NIPBL: variants seen among roughly 807,000 people sequenced by gnomAD.
The protein encoded by NIPBL is nipped-B-like protein.
A neutral mutation model predicts 321.8 loss-of-function variants in NIPBL; 19 were observed. The ratio of observed to expected loss-of-function variants is 0.06; its 90% CI spans 0.04 to 0.09. NIPBL has a LOEUF of 0.09. NIPBL is among the 10% of genes least tolerant of loss of function. NIPBL has a pLI of 1.00. For missense variants in NIPBL, 2,210 were observed against 3,327.0 expected (o/e 0.66, Z 8.26); for synonymous variants, 1,106 against 1,114.1 (o/e 0.99, Z 0.14).
At position 36,955,491 on chromosome 5, in the gene NIPBL, T is replaced by C; in HGVS notation, c.84T>C (p.Leu28=). The change falls in exon 3 of 47, where the codon CTT becomes CTC. Residue 28 remains leucine (L), a synonymous_variant. Coordinates refer to ENST00000282516, the MANE Select transcript of NIPBL (RefSeq NM_133433.4). The part of the protein sequence containing the change: ...SLTDLLNQLP[L]PSPLPATTTK... ...AAATAGTCCTGAACCAGCTGCCTCT[T>C]CCATCTCCTTTACCTGCTACAACTA... 1 of 1,613,932 alleles carries C rather than the reference T, an allele frequency of 6.2e-7. No homozygotes were observed.
chr5:36,907,327 A>G (rs1332851863), intron 1 of NIPBL, among the ~76,000 whole-genome samples: 4 of 152,196 alleles, frequency 2.6e-5, no homozygotes, highest in Non-Finnish European at 4.4e-5. Context: ...TGAGTCCCAT[A>G]TATTTTTTCT....
chr5:37,039,284 T>A (rs1752062747), intron 34 of NIPBL, among the ~76,000 whole-genome samples: 1 of 150,530 alleles, frequency 6.6e-6, no homozygotes, highest in Non-Finnish European at 1.5e-5. Context: ...CAGTCTTTTT[T>A]AATTTTTTAT....
Position 37,051,759 on chromosome 5 carries a change from A to ATTTTTTTTT in NIPBL, c.6955-17_6955-9dup. 1 of 1,252,308 alleles carries ATTTTTTTTT rather than the reference A, an allele frequency of 8.0e-7. No individual in the cohort carries two copies. The highest frequency in any genetic ancestry group is 1.1e-6 in the Non-Finnish European group (1 of 898,080). 77.6% of individuals were successfully genotyped at this position (1,252,308 alleles called of 1,614,324 possible). On this transcript the variant is annotated intron_variant, in intron 40 of 46. Transcript: ENST00000282516. ...ATTTTTACTACCATGATATCTCGTA[A>ATTTTTTTTT]TTTTTTTTTTTATTTCCAGTGTGTG...
At chr5:36,924,802 A>G (rs767430846) in intron 1 of NIPBL, among the ~76,000 whole-genome samples, 2 of 152,126 alleles carry the variant, frequency 1.3e-5, no homozygotes, top group Non-Finnish European at 2.9e-5. Flanking sequence ...TTCCCTTTTA[A>G]GATTTCCTTG....
chr5:37,046,214 C>T lies in NIPBL; in HGVS notation c.6589+15C>T. On this transcript the variant is annotated intron_variant, in intron 38 of 46. Coordinates refer to ENST00000282516, the MANE Select transcript of NIPBL (RefSeq NM_133433.4). ...CATTGGTCTAGGTAAGTCTAAATTTCTTTATAATTTGTAGCTATTTGAGAG... is the reference window on the plus strand; with the variant it reads ...CATTGGTCTAGGTAAGTCTAAATTTTTTTATAATTTGTAGCTATTTGAGAG... 7.1e-7 allele frequency: 1 copy of T among 1,409,566 alleles called. No homozygotes were observed. The highest frequency in any genetic ancestry group is 1.0e-6 in the Non-Finnish European group (1 of 994,372). 87.3% of individuals were successfully genotyped at this position (1,409,566 alleles called of 1,614,324 possible).
chr5:36,908,950 G>A (rs1342029547), intron 1 of NIPBL, among the ~76,000 whole-genome samples: 2 of 152,162 alleles, frequency 1.3e-5, no homozygotes, highest in African/African-American at 4.8e-5. Context: ...ATTATTTTAT[G>A]TATATCCTTG....
chr5:37,032,105 C>T (rs1409384339), intron 32 of NIPBL, among the ~76,000 whole-genome samples: 1 of 152,120 alleles, frequency 6.6e-6, no homozygotes, highest in Non-Finnish European at 1.5e-5. Flanking sequence ...GAGGGTAGAG[C>T]CCATCATTCT....
At chr5:37,064,076 T>TGTAATA in intron 46 of NIPBL, 98 bp downstream of exon 46, 1 of 1,515,310 alleles carries the variant, frequency 6.6e-7, no homozygotes, top group Non-Finnish European at 8.9e-7. Flanking sequence ...CACCAAGTAA[T>TGTAATA]GTAATACTTA....
chr5:37,000,900 G>C lies in NIPBL; in HGVS notation c.3574+12G>C. On this transcript the variant is annotated intron_variant, in intron 13 of 46. Transcript: ENST00000282516. Reference sequence around the variant, plus strand: ...ACTAACACCTGAAGGTAACACGTTAGTTTATTTAATTTGTCTTTATTCATA... The same window carrying C: ...ACTAACACCTGAAGGTAACACGTTACTTTATTTAATTTGTCTTTATTCATA... 2 of 1,605,628 alleles carry C rather than the reference G, an allele frequency of 1.2e-6. No individual in the cohort carries two copies. Among genetic ancestry groups the C allele is most frequent in the Non-Finnish European group, 1.7e-6 (2 of 1,172,734 alleles).
At chr5:37,002,867 TA>T in intron 15 of NIPBL, 102 bp downstream of exon 15, 1 of 742,200 alleles carries the variant, frequency 1.3e-6, no homozygotes, top group South Asian at 1.8e-5. Flanking sequence ...AAGTAAATAG[TA>T]AAAAGAAAAC....
At chr5:36,893,348 A>C (rs1398048509) in intron 1 of NIPBL, among the ~76,000 whole-genome samples, 3 of 152,236 alleles carry the variant, frequency 2.0e-5, no homozygotes, top group African/African-American at 7.2e-5. Context: ...AAAGCAGTCA[A>C]ACTGATGTAT....
chr5:36,991,831 A>G (rs1005357276), intron 10 of NIPBL, among the ~76,000 whole-genome samples: 2 of 148,306 alleles, frequency 1.3e-5, no homozygotes, highest in Non-Finnish European at 3.0e-5. Flanking sequence ...ACTTGTTTCC[A>G]TTGACCAAAG....
intron 42 of NIPBL, among the ~76,000 whole-genome samples, chr5:37,055,469 T>C (rs1753997498): frequency 6.6e-6 from 1 of 152,088 alleles, no homozygotes; most frequent in African/African-American, 2.4e-5. Context: ...ATTTTTATCT[T>C]GAGCACCTGA....
intron 32 of NIPBL, among the ~76,000 whole-genome samples, chr5:37,035,746 A>G (rs536661903): frequency 6.6e-6 from 1 of 152,170 alleles, no homozygotes; most frequent in South Asian, 2.1e-4. Flanking sequence ...AGATTCCTTC[A>G]ATATCCCCAG....
chr5:36,975,054 T>C (rs1170626595), intron 8 of NIPBL, among the ~76,000 whole-genome samples: 1 of 152,072 alleles, frequency 6.6e-6, no homozygotes. Context: ...CATATAACAT[T>C]GGTTGATTTA....
intron 24 of NIPBL, among the ~76,000 whole-genome samples, chr5:37,017,772 T>C (rs1385162023): frequency 6.6e-6 from 1 of 152,044 alleles, no homozygotes; most frequent in Admixed American, 6.6e-5. Context: ...GCCTCTAATT[T>C]TTTTTTAGCT....
intron 19 of NIPBL, among the ~76,000 whole-genome samples, chr5:37,008,411 G>C (rs2149679268): frequency 1.3e-5 from 2 of 152,120 alleles, no homozygotes; most frequent in South Asian, 4.2e-4. Flanking sequence ...ACTGCCTATA[G>C]CCAAGATTTC....
intron 1 of NIPBL, among the ~76,000 whole-genome samples, chr5:36,917,033 A>G (rs772676067): frequency 1.3e-5 from 2 of 152,112 alleles, no homozygotes; most frequent in Non-Finnish European, 2.9e-5. Context: ...GGATGGCTGG[A>G]TCCACTGGTA....
In NIPBL at chr5:36,887,292, A is replaced by G. The variant is rs541811891; in HGVS notation, c.-80+10114A>G. Among the ~76,000 whole-genome samples the G allele has an allele frequency of 2.0e-5, 3 of 152,338 alleles. No individual in the cohort carries two copies. In the East Asian group the frequency reaches 5.8e-4, roughly 29 times the overall value. ...ATACAGCACATAGAAACTAGAATAA[A>G]AAATGAAGGATGGTGCAGTAACACC... is the stretch of plus-strand genomic sequence containing the variant. On this transcript the variant is annotated intron_variant, in intron 1 of 46. Transcript: ENST00000282516.
Sources: allele counts gnomAD v4.1 joint callset (sites outside exome capture counted in the v4.1 genomes callset), GRCh38; gene constraint gnomAD v4.1.1; transcripts MANE v1.5; gene names NCBI Gene and HGNC (gene_info 2026-07-23, HGNC 2026-07-21).